Variants in DSG2 observed in about 807,000 individuals in gnomAD.
The protein encoded by DSG2 is desmoglein-2.
A neutral mutation model predicts 75.6 loss-of-function variants in DSG2; 45 were observed. The ratio of observed to expected loss-of-function variants is 0.60; its 90% CI spans 0.47 to 0.76. The LOEUF (loss-of-function observed/expected upper bound fraction) is 0.76, where lower values mean the gene tolerates loss of function less well. Ranked by LOEUF, DSG2 falls within the 30% of genes least tolerant of loss-of-function variation. The pLI is 0.00. For synonymous variants in DSG2, 429 were observed against 483.9 expected, an observed-to-expected ratio of 0.89 and a Z score of 1.49; for missense variants, 1,267 against 1,357.4, an observed-to-expected ratio of 0.93 and a Z score of 1.05.
chr18:31,547,342 A>AGT lies in DSG2; in HGVS notation c.*611_*612dup, dbSNP rs36022761. ...CATTGTATGTTTCTGTGCACATGACAGTGTGTGTGTGTGCACGTACATACT... is the reference window on the plus strand; with the variant it reads ...CATTGTATGTTTCTGTGCACATGACAGTGTGTGTGTGTGTGCACGTACATACT... On this transcript the variant is annotated 3_prime_UTR_variant, in exon 15 of 15. Transcript: ENST00000261590. The AGT allele has an allele frequency of 0.11, 20,783 of 182,290 alleles. 1,422 individuals are homozygous for AGT. Among genetic ancestry groups the AGT allele is most frequent in the African/African-American group, 0.19 (8,104 of 41,978 alleles). 11.3% of individuals were successfully genotyped at this position (182,290 alleles called of 1,614,324 possible). A position where few individuals can be genotyped will look rare whatever the true frequency, so the allele number is the denominator to read the frequency against.
chr18:31,515,845 C>T (rs2073091498), intron 1 of DSG2, among the ~76,000 whole-genome samples: 1 of 152,144 alleles, frequency 6.6e-6, no homozygotes, highest in Non-Finnish European at 1.5e-5. Flanking sequence ...GGAATGGACC[C>T]TACAGGAAGC....
Position 31,545,274 on chromosome 18 carries a change from A to G in DSG2, c.2335-447A>G, listed in dbSNP as rs115804951. On this transcript the variant is annotated intron_variant, in intron 14 of 14. Coordinates refer to ENST00000261590, the MANE Select transcript of DSG2 (RefSeq NM_001943.5). Reference sequence around the variant, plus strand: ...CAATAAACATTTTGCCACATTTGCTATTTGCTTTTCCATTTTCTCTGTCTC... The same window carrying G: ...CAATAAACATTTTGCCACATTTGCTGTTTGCTTTTCCATTTTCTCTGTCTC... Among the ~76,000 whole-genome samples, 641 of 152,284 alleles carry G rather than the reference A, an allele frequency of 4.2e-3. 3 individuals are homozygous for G. The highest frequency in any genetic ancestry group is 0.015 in the African/African-American group (620 of 41,566).
Position 31,531,021 on chromosome 18 carries a change from T to TC in DSG2, c.1050dup (p.Ser351GlnfsTer6). 14 of 1,614,076 alleles carry TC rather than the reference T, an allele frequency of 8.7e-6. No homozygotes were observed. Among genetic ancestry groups the TC allele is most frequent in the Non-Finnish European group, 1.1e-5 (13 of 1,179,978 alleles). ...TATGAAGAAATGAAGAATCTTGACT[T>TC]CAGTGTTATTGTCGCTAATAAAGCA... On this transcript the variant is annotated frameshift_variant, in exon 9 of 15. Coordinates refer to ENST00000261590, the MANE Select transcript of DSG2 (RefSeq NM_001943.5). LOFTEE classifies it high-confidence loss of function.
At chr18:31,502,433 A>G (rs528865015) in intron 1 of DSG2, among the ~76,000 whole-genome samples, 5 of 152,322 alleles carry the variant, frequency 3.3e-5, no homozygotes, top group African/African-American at 9.6e-5. Flanking sequence ...GTGTTTTTGA[A>G]AACTGCCAAA....
intron 1 of DSG2, among the ~76,000 whole-genome samples, chr18:31,505,656 C>CT (rs558578470): frequency 0.071 from 9,621 of 135,978 alleles, 777 homozygotes; most frequent in African/African-American, 0.2. Context: ...ATTTTTTTTT[C>CT]TTTTTTTTTT....
At position 31,520,852 on chromosome 18, in the gene DSG2, A is replaced by G. The variant is rs2230232; in HGVS notation, c.266A>G (p.Tyr89Cys). The change falls in exon 4 of 15, where the codon TAC becomes TGC. Residue 89 changes from tyrosine to cysteine, a missense_variant. Physicochemically the swap from Tyr to Cys is radical, Grantham distance 194 (BLOSUM62 -2). Coordinates refer to ENST00000261590, the MANE Select transcript of DSG2 (RefSeq NM_001943.5). ...AGAGGACTCAAAATTACTTACAAAT[A>G]CACTGGAAAAGGGATTACAGAGCCA... ...EERGLKITYKYTGKGITEPPF... is the reference protein window; with the variant it reads ...EERGLKITYKCTGKGITEPPF... 1,136 of 1,613,846 alleles carry G rather than the reference A, an allele frequency of 7.0e-4. 4 individuals carry two copies. In the African/African-American group the frequency reaches 0.014, roughly 20 times the overall value.
At chr18:31,509,094 A>G (rs1285195267) in intron 1 of DSG2, among the ~76,000 whole-genome samples, 1 of 152,256 alleles carries the variant, frequency 6.6e-6, no homozygotes, top group Non-Finnish European at 1.5e-5. Flanking sequence ...TGTCAAGGGA[A>G]AAAATAGGAA....
At position 31,535,366 on chromosome 18, in the gene DSG2, T is replaced by C. The variant is rs543811554; in HGVS notation, c.1377T>C (p.Tyr459=). 3.1e-6 allele frequency: 5 copies of C among 1,611,218 alleles called. No homozygotes were observed. The African/African-American group carries it at 5.3e-5, about 17-fold the overall frequency. The change falls in exon 10 of 15, where the codon TAT becomes TAC. Residue 459 remains tyrosine (Y), a synonymous_variant. Coordinates refer to ENST00000261590, the MANE Select transcript of DSG2 (RefSeq NM_001943.5). ...AACTTCCTGATTTTGAATCTAGATATGTTCAAAATGGCACATACACTGTAA... is the reference window on the plus strand; with the variant it reads ...AACTTCCTGATTTTGAATCTAGATACGTTCAAAATGGCACATACACTGTAA... ...LAKLPDFESR[Y]VQNGTYTVKI...
At chr18:31,508,810 C>G (rs2073052301) in intron 1 of DSG2, among the ~76,000 whole-genome samples, 1 of 152,154 alleles carries the variant, frequency 6.6e-6, no homozygotes, top group South Asian at 2.1e-4. Flanking sequence ...CTTCCCTTTC[C>G]TATGCTACCA....
intron 1 of DSG2, among the ~76,000 whole-genome samples, chr18:31,515,291 G>A (rs938614030): frequency 1.3e-5 from 2 of 152,056 alleles, no homozygotes; most frequent in African/African-American, 2.4e-5. Flanking sequence ...ATTTTTAGTA[G>A]AGACAGGGTT....
intron 1 of DSG2, among the ~76,000 whole-genome samples, chr18:31,502,931 T>C (rs920943027): frequency 2.0e-5 from 3 of 152,248 alleles, no homozygotes; most frequent in East Asian, 3.8e-4. Context: ...GACAACAATT[T>C]ATAAACATAT....
At chr18:31,539,068 C>T (rs899623140) in intron 12 of DSG2, 90 bp downstream of exon 12, 1 of 1,292,908 alleles carries the variant, frequency 7.7e-7, no homozygotes, top group Non-Finnish European at 1.1e-6. Flanking sequence ...GATTTCTTCA[C>T]AGTTATTCTT....
intron 8 of DSG2, among the ~76,000 whole-genome samples, chr18:31,530,170 A>G (rs2073186017): frequency 6.6e-6 from 1 of 152,170 alleles, no homozygotes; most frequent in African/African-American, 2.4e-5. Flanking sequence ...TCTTTGTTTA[A>G]ACAGATTTGA....
At chr18:31,498,345 G>A in intron 1 of DSG2, 49 bp downstream of exon 1, 11 of 1,249,818 alleles carry the variant, frequency 8.8e-6, no homozygotes, top group Non-Finnish European at 1.1e-5. Flanking sequence ...GAGGGCGTCG[G>A]TAGGCGAGGT....
chr18:31,536,207 C>A lies in DSG2; in HGVS notation c.1429C>A (p.Pro477Thr), dbSNP rs768590596. Residue 477 changes from proline to threonine, a missense_variant, in exon 11 of 15, where the codon CCT becomes ACT. By Grantham distance (38) the Pro-to-Thr change is conservative (BLOSUM62 -1). Transcript: ENST00000261590. Reference sequence around the variant, plus strand: ...TTTTCTCTCTTATTTTTAAGATTATCCTAGAAAAACCATCACTGGCACAGT... The same window carrying A: ...TTTTCTCTCTTATTTTTAAGATTATACTAGAAAAACCATCACTGGCACAGT... ...VKIVAISEDY[P>T]RKTITGTVLI... 6.2e-7 allele frequency: 1 copy of A among 1,613,726 alleles called. No individual in the cohort carries two copies. The highest frequency in any genetic ancestry group is 1.3e-5 in the African/African-American group (1 of 74,910).
chr18:31,542,945 A>G (rs2848678), intron 14 of DSG2, 93 bp downstream of exon 14: 2 of 1,058,568 alleles, frequency 1.9e-6, no homozygotes. Flanking sequence ...CCTTGGATCC[A>G]AATGAGACTT....
At chr18:31,504,318 C>A (rs1332247356) in intron 1 of DSG2, among the ~76,000 whole-genome samples, 1 of 152,196 alleles carries the variant, frequency 6.6e-6, no homozygotes, top group Non-Finnish European at 1.5e-5. Flanking sequence ...AAACATTAAA[C>A]AATGTTTGAT....
At position 31,548,201 on chromosome 18, in the gene DSG2, T is replaced by C. The variant is rs1278688799; in HGVS notation, c.*1458T>C. ...CCTTCCCTTTTCTACAAGTTAATTTTTTTACAAATCATTTGGGTTATCTCC... is the reference window on the plus strand; with the variant it reads ...CCTTCCCTTTTCTACAAGTTAATTTCTTTACAAATCATTTGGGTTATCTCC... On this transcript the variant is annotated 3_prime_UTR_variant, in exon 15 of 15. Transcript: ENST00000261590. 2 of 152,348 alleles carry C rather than the reference T, an allele frequency of 1.3e-5. No homozygotes were observed. The highest frequency in any genetic ancestry group is 3.9e-4 in the East Asian group (2 of 5,194). 9.4% of individuals were successfully genotyped at this position (152,348 alleles called of 1,614,324 possible). A position where few individuals can be genotyped will look rare whatever the true frequency, so the allele number is the denominator to read the frequency against.
At position 31,538,978 on chromosome 18, in the gene DSG2, T is replaced by C. The variant is rs1272920918; in HGVS notation, c.1879T>C (p.Leu627=). 6.2e-7 allele frequency: 1 copy of C among 1,612,874 alleles called. No individual in the cohort carries two copies. The highest frequency in any genetic ancestry group is 8.5e-7 in the Non-Finnish European group (1 of 1,179,956). ...GATTTTGGCCTTTCTGCTCCTGCTATGTAAGTCTTTAAAAGCCACTCTGTT... is the reference window on the plus strand; with the variant it reads ...GATTTTGGCCTTTCTGCTCCTGCTACGTAAGTCTTTAAAAGCCACTCTGTT... ...LMILAFLLLL[L]VPLLLLMCHC... is the part of the protein sequence containing the mutation. Residue 627 remains leucine, a splice_region_variant and synonymous_variant, in exon 12 of 15, where the codon TTG becomes CTG. Transcript: ENST00000261590.
Sources: gnomAD v4.1 joint callset for allele counts (sites outside exome capture counted in the v4.1 genomes callset) on GRCh38, gnomAD v4.1.1 for gene constraint, MANE v1.5 for transcripts, NCBI Gene and HGNC (gene_info 2026-07-23, HGNC 2026-07-21) for gene names.